The following COL6A5 variants were observed in gnomAD, a reference collection of about 807,000 sequenced individuals.
COL6A5 encodes the protein collagen type VI alpha 5 chain, also known as collagen alpha-5(VI) chain.
A neutral mutation model predicts 65.6 loss-of-function variants in COL6A5; 48 were observed. The observed-to-expected ratio is 0.73, with a 90% confidence interval of 0.58 to 0.93. The LOEUF (loss-of-function observed/expected upper bound fraction) is 0.93. Ranked by LOEUF, COL6A5 falls within the 40% of genes least tolerant of loss-of-function variation. The probability of loss-of-function intolerance (pLI) is 0.00; values close to 1 mark genes in which losing one functional copy is unlikely to be tolerated. For synonymous variants in COL6A5, 291 were observed against 322.8 expected, an observed-to-expected ratio of 0.90 and a Z score of 1.05; for missense variants, 914 against 928.3, an observed-to-expected ratio of 0.98 and a Z score of 0.20.
chr3:130,471,743 TC>T (rs926507671), intron 7 of COL6A5: 1 of 1,534,476 alleles, frequency 6.5e-7, no homozygotes, highest in African/African-American at 1.4e-5. Context: ...TGAATTTGAT[TC>T]CCAGGCACAA....
At chr3:130,443,351 C>T (rs904291279) in intron 3 of COL6A5, 125 bp from the exon 36 acceptor site, 13 of 638,360 alleles carry the variant, frequency 2.0e-5, no homozygotes, top group Non-Finnish European at 3.3e-5. Flanking sequence ...TTCACCCCAG[C>T]CAAATTTTGC....
At chr3:130,465,880 G>A (rs1489448293) in intron 5 of COL6A5, among the ~76,000 whole-genome samples, 1 of 151,998 alleles carries the variant, frequency 6.6e-6, no homozygotes, top group African/African-American at 2.4e-5. Flanking sequence ...AATTTGCAGG[G>A]TTGAAAACCA....
At chr3:130,413,643 G>C in intron 21 of COL6A5, 63 bp downstream of exon 21, 3 of 1,476,204 alleles carry the variant, frequency 2.0e-6, no homozygotes, top group Non-Finnish European at 2.8e-6. Context: ...CTCCCATGTA[G>C]GTGGTGCTGG....
chr3:130,448,711 G>A (rs775881978), intron 4 of COL6A5, among the ~76,000 whole-genome samples: 21 of 152,208 alleles, frequency 1.4e-4, no homozygotes, highest in East Asian at 3.9e-4. Context: ...AATTGGGCTC[G>A]AACTGGTGAA....
chr3:130,418,959 C>T, intron 25 of COL6A5, 28 bp downstream of exon 25: 1 of 1,540,720 alleles, frequency 6.5e-7, no homozygotes, highest in Non-Finnish European at 8.8e-7. Flanking sequence ...CCCTACCCTC[C>T]CCAGATCTGG....
chr3:130,351,741 C>G (rs1278204661), intron 1 of COL6A5, among the ~76,000 whole-genome samples: 1 of 152,190 alleles, frequency 6.6e-6, no homozygotes, highest in Non-Finnish European at 1.5e-5. Context: ...TTGTGGAAGA[C>G]AGTATGGCAA....
chr3:130,350,509 G>A (rs1382387887), intron 1 of COL6A5, among the ~76,000 whole-genome samples: 1 of 151,988 alleles, frequency 6.6e-6, no homozygotes, highest in Non-Finnish European at 1.5e-5. Flanking sequence ...ATTCCTATAT[G>A]CCAATAACAG....
At chr3:130,364,136 A>C (rs1935243675) in intron 1 of COL6A5, among the ~76,000 whole-genome samples, 1 of 152,202 alleles carries the variant, frequency 6.6e-6, no homozygotes, top group Non-Finnish European at 1.5e-5. Flanking sequence ...ATAAACTGGC[A>C]CTGTCCTGGG....
intron 1 of COL6A5, among the ~76,000 whole-genome samples, chr3:130,437,986 T>C (rs1191898341): frequency 6.6e-6 from 1 of 152,040 alleles, no homozygotes; most frequent in Non-Finnish European, 1.5e-5. Flanking sequence ...GGGGTTTTTT[T>C]TGTTTGCTTT....
intron 1 of COL6A5, among the ~76,000 whole-genome samples, chr3:130,369,424 A>G (rs1396315747): frequency 2.0e-5 from 3 of 152,180 alleles, no homozygotes; most frequent in Non-Finnish European, 4.4e-5. Flanking sequence ...GGCCTTTGCT[A>G]TGCAGTTATA....
chr3:130,468,730 C>CTATG (rs1709875756), intron 5 of COL6A5, 65 bp from the exon 38 acceptor site: 1 of 1,132,732 alleles, frequency 8.8e-7, no homozygotes, highest in South Asian at 1.5e-5. Flanking sequence ...TATTTGCCAT[C>CTATG]TATGACTAGG....
intron 18 of COL6A5, 129 bp from the exon 19 acceptor site, chr3:130,409,880 G>T: frequency 1.7e-6 from 1 of 575,412 alleles, no homozygotes. Flanking sequence ...TGTGAGTTTC[G>T]AATATGAAAA....
At chr3:130,455,634 A>G (rs1709554606) in exon 5 of COL6A5, 2 of 1,613,104 alleles carry the variant, frequency 1.2e-6, no homozygotes, top group Non-Finnish European at 1.7e-6. Flanking sequence ...GAAAAAGATC[A>G]AAAATCTGCA....
chr3:130,394,942 G>A (rs1183786191), exon 8 of COL6A5: 1 of 1,551,438 alleles, frequency 6.4e-7, no homozygotes, highest in East Asian at 2.4e-5. Context: ...GCTCTGACAG[G>A]GTATCTAATT....
chr3:130,363,823 A>G (rs1935229896), intron 1 of COL6A5, among the ~76,000 whole-genome samples: 1 of 152,120 alleles, frequency 6.6e-6, no homozygotes, highest in African/African-American at 2.4e-5. Context: ...TGTCAATTAC[A>G]CTTCAAGTTT....
chr3:130,468,152 G>A (rs540876166), intron 5 of COL6A5, among the ~76,000 whole-genome samples: 99 of 152,186 alleles, frequency 6.5e-4, no homozygotes, highest in Non-Finnish European at 9.3e-4. Flanking sequence ...TAATCAGTGT[G>A]CTTAGTAATT....
At chr3:130,484,281 T>C (rs1368177989) in exon 8 of COL6A5, 1 of 529,278 alleles carries the variant, frequency 1.9e-6, no homozygotes, top group Non-Finnish European at 3.3e-6. Flanking sequence ...ATGATTTCAT[T>C]TCTCCTGAGA....
chr3:130,484,297 G>A, exon 8 of COL6A5: 1 of 517,108 alleles, frequency 1.9e-6, no homozygotes, highest in Non-Finnish European at 3.4e-6. Flanking sequence ...TGAGAACTGG[G>A]GAAACCGACC....
intron 7 of COL6A5, among the ~76,000 whole-genome samples, chr3:130,482,245 G>A (rs1176092534): frequency 2.6e-5 from 4 of 152,158 alleles, no homozygotes; most frequent in Non-Finnish European, 4.4e-5. Flanking sequence ...AAAGGGTCCA[G>A]TTTCAGTTTT....
Sources: gnomAD v4.1 joint callset for allele counts (sites outside exome capture counted in the v4.1 genomes callset) on GRCh38, gnomAD v4.1.1 for gene constraint, MANE v1.5 for transcripts, NCBI Gene and HGNC (gene_info 2026-07-23, HGNC 2026-07-21) for gene names.